Variants in TMEM132D observed in about 807,000 individuals in gnomAD.
TMEM132D encodes transmembrane protein 132D.
A neutral mutation model predicts 62.3 loss-of-function variants in TMEM132D; 21 were observed. That is an observed-to-expected ratio of 0.34 (90% CI 0.24 to 0.49). TMEM132D has a LOEUF of 0.49. Among genes scored for constraint, TMEM132D ranks in the 20% least tolerant of loss-of-function variants. The pLI, the probability that TMEM132D is intolerant of heterozygous loss-of-function variation, is 0.99. For synonymous variants in TMEM132D, 621 were observed against 575.6 expected, an observed-to-expected ratio of 1.08 and a Z score of -1.13; for missense variants, 1,346 against 1,402.8, an observed-to-expected ratio of 0.96 and a Z score of 0.65.
chr12:129,406,179 C>T (rs1035790189), intron 3 of TMEM132D, among the ~76,000 whole-genome samples: 5 of 152,150 alleles, frequency 3.3e-5, no homozygotes, highest in Admixed American at 6.5e-5. Context: ...GAAAACAGCA[C>T]GTTTGTATAC....
chr12:129,211,398 G>A (rs557076531), intron 4 of TMEM132D, among the ~76,000 whole-genome samples: 36 of 152,224 alleles, frequency 2.4e-4, no homozygotes, highest in African/African-American at 7.7e-4. Flanking sequence ...CTAAGACTGC[G>A]AGCTCAGTAG....
intron 1 of TMEM132D, among the ~76,000 whole-genome samples, chr12:129,729,260 C>T (rs917943036): frequency 2.6e-5 from 4 of 152,178 alleles, no homozygotes; most frequent in Non-Finnish European, 5.9e-5. Context: ...ACACTTAGCT[C>T]AATATAATAC....
chr12:129,452,734 C>G (rs1261165966), intron 3 of TMEM132D, among the ~76,000 whole-genome samples: 2 of 144,896 alleles, frequency 1.4e-5, no homozygotes, highest in African/African-American at 5.2e-5. Context: ...GAGAGAGAGA[C>G]AGAGAAAAGG....
intron 2 of TMEM132D, among the ~76,000 whole-genome samples, chr12:129,651,127 T>C (rs1212587953): frequency 6.6e-6 from 1 of 152,202 alleles, no homozygotes; most frequent in African/African-American, 2.4e-5. Flanking sequence ...ATAAGTTTGT[T>C]ATCATGTCTG....
At chr12:129,742,116 G>A (rs78567552) in intron 1 of TMEM132D, among the ~76,000 whole-genome samples, 1 of 152,126 alleles carries the variant, frequency 6.6e-6, no homozygotes, top group Non-Finnish European at 1.5e-5. Context: ...ACTTCAGAAT[G>A]GCTTCCAATG....
intron 4 of TMEM132D, among the ~76,000 whole-genome samples, chr12:129,271,388 T>C (rs1880849910): frequency 6.6e-6 from 1 of 151,776 alleles, no homozygotes; most frequent in Non-Finnish European, 1.5e-5. Context: ...TTCTTTTTTC[T>C]TTTTGATTTT....
rs76951929 is a variant in TMEM132D, at chr12:129,369,379, T to A, written c.1116-31562A>T. 3.6e-3 allele frequency among the ~76,000 whole-genome samples: 519 copies of A among 144,616 alleles called. 6 individuals carry two copies. Among genetic ancestry groups the A allele is most frequent in the Middle Eastern group, 0.028 (8 of 286 alleles). 94.9% of individuals were successfully genotyped at this position (144,616 alleles called of 152,430 possible). On this transcript the variant is annotated intron_variant, in intron 3 of 8. Coordinates refer to ENST00000422113, the MANE Select transcript of TMEM132D (RefSeq NM_133448.3). ...TGTTCCTCATGCTGCTTTTTTTTTT[T>A]AAATTAATTCAGATATCAGTCCTGC...
intron 5 of TMEM132D, among the ~76,000 whole-genome samples, chr12:129,154,537 C>T (rs749543481): frequency 6.6e-6 from 1 of 151,998 alleles, no homozygotes; most frequent in Admixed American, 6.6e-5. Context: ...GAGTGTTTGG[C>T]GATTGAGTAC....
intron 5 of TMEM132D, among the ~76,000 whole-genome samples, chr12:129,108,820 A>G (rs1238029900): frequency 2.0e-5 from 3 of 152,208 alleles, no homozygotes; most frequent in African/African-American, 7.2e-5. Flanking sequence ...AGAAAGATAA[A>G]TTGTACAGTG....
chr12:129,524,920 C>CTTTTTTTTTTTTTTTT (rs761892015), intron 3 of TMEM132D, among the ~76,000 whole-genome samples: 2 of 92,170 alleles, frequency 2.2e-5, no homozygotes, highest in Admixed American at 1.7e-4. Flanking sequence ...ATATTTTTTT[C>CTTTTTTTTTTTTTTTT]TTTTTTCTTT....
intron 2 of TMEM132D, among the ~76,000 whole-genome samples, chr12:129,661,738 A>G (rs1022349461): frequency 5.3e-5 from 8 of 152,202 alleles, no homozygotes; most frequent in African/African-American, 1.9e-4. Flanking sequence ...AACAAGAAAA[A>G]TTCAACAATA....
chr12:129,848,642 G>T (rs1873439897), intron 1 of TMEM132D, among the ~76,000 whole-genome samples: 1 of 152,108 alleles, frequency 6.6e-6, no homozygotes, highest in Non-Finnish European at 1.5e-5. Context: ...TGGGCACTTT[G>T]GTCTTTTCAC....
chr12:129,465,113 T>G (rs1289964527), intron 3 of TMEM132D, among the ~76,000 whole-genome samples: 2 of 152,302 alleles, frequency 1.3e-5, no homozygotes, highest in Non-Finnish European at 2.9e-5. Flanking sequence ...GCATGGAATG[T>G]TCTTCCATTT....
intron 4 of TMEM132D, among the ~76,000 whole-genome samples, chr12:129,270,533 T>C (rs1294179610): frequency 6.6e-6 from 1 of 152,208 alleles, no homozygotes; most frequent in African/African-American, 2.4e-5. Context: ...GCCGTTTGAA[T>C]CACGTCTAGA....
intron 3 of TMEM132D, among the ~76,000 whole-genome samples, chr12:129,476,239 C>T (rs1874252597): frequency 6.6e-6 from 1 of 152,186 alleles, no homozygotes; most frequent in Non-Finnish European, 1.5e-5. Context: ...AATGTACACA[C>T]GGTGGGAGGA....
intron 4 of TMEM132D, among the ~76,000 whole-genome samples, chr12:129,293,055 A>T (rs554551028): frequency 2.0e-5 from 3 of 152,262 alleles, no homozygotes; most frequent in South Asian, 4.1e-4. Context: ...GTTCCCAGGG[A>T]TGTGGAGGGT....
At chr12:129,114,530 T>A (rs1188591995) in intron 5 of TMEM132D, among the ~76,000 whole-genome samples, 2 of 152,162 alleles carry the variant, frequency 1.3e-5, no homozygotes, top group Non-Finnish European at 2.9e-5. Context: ...TATTTAACTT[T>A]TTATCGCATA....
At chr12:129,816,157 G>C (rs1872337052) in intron 1 of TMEM132D, among the ~76,000 whole-genome samples, 1 of 151,974 alleles carries the variant, frequency 6.6e-6, no homozygotes, top group Non-Finnish European at 1.5e-5. Flanking sequence ...AATTTTCCTA[G>C]TTCCAGTTCA....
At chr12:129,749,069 G>T (rs1222654461) in intron 1 of TMEM132D, among the ~76,000 whole-genome samples, 1 of 152,220 alleles carries the variant, frequency 6.6e-6, no homozygotes, top group Non-Finnish European at 1.5e-5. Flanking sequence ...AAGGGATGCT[G>T]CTGCGCTCCA....
Sources: gnomAD v4.1 joint callset for allele counts (sites outside exome capture counted in the v4.1 genomes callset) on GRCh38, gnomAD v4.1.1 for gene constraint, MANE v1.5 for transcripts, NCBI Gene and HGNC (gene_info 2026-07-23, HGNC 2026-07-21) for gene names.